The following MCF2L2 variants were observed in gnomAD, a reference collection of about 807,000 sequenced individuals.
MCF2L2 encodes MCF.2 cell line derived transforming sequence-like 2.
MCF2L2 carries 102 observed loss-of-function variants against 150.2 expected under a neutral mutation model. That is an observed-to-expected ratio of 0.68 (90% CI 0.58 to 0.80). MCF2L2 has a LOEUF of 0.80. Ranked by LOEUF, MCF2L2 falls within the 30% of genes least tolerant of loss-of-function variation. The pLI is 0.00. For synonymous variants in MCF2L2, 465 were observed against 491.3 expected (o/e 0.95, Z 0.71); for missense variants, 1,256 against 1,372.8 (o/e 0.91, Z 1.34).
At chr3:183,400,615 G>T in intron 1 of MCF2L2, 1 of 361,318 alleles carries the variant, frequency 2.8e-6, no homozygotes, top group South Asian at 2.1e-5. Flanking sequence ...AGGTCATTTC[G>T]TGGCCGAGAG....
intron 15 of MCF2L2, among the ~76,000 whole-genome samples, chr3:183,276,424 C>T (rs577763769): frequency 6.6e-6 from 1 of 152,108 alleles, no homozygotes; most frequent in Non-Finnish European, 1.5e-5. Flanking sequence ...TAAATTTCCC[C>T]GTGTTATTTT....
intron 5 of MCF2L2, 144 bp downstream of exon 5, chr3:183,338,656 C>T (rs1473591768): frequency 1.7e-5 from 12 of 706,204 alleles, no homozygotes; most frequent in Admixed American, 3.5e-5. Context: ...GCCTCTATGC[C>T]TTCACACATG....
intron 3 of MCF2L2, among the ~76,000 whole-genome samples, chr3:183,365,687 G>C (rs9843909): frequency 0.32 from 47,953 of 151,980 alleles, 11,560 homozygotes; most frequent in African/African-American, 0.67. Flanking sequence ...TACTCTATAA[G>C]CTAGATTTAG....
chr3:183,300,051 C>G lies in MCF2L2; in HGVS notation c.1259G>C (p.Trp420Ser). 6.2e-7 allele frequency: 1 copy of G among 1,613,746 alleles called. No homozygotes were observed. Among genetic ancestry groups the G allele is most frequent in the Non-Finnish European group, 8.5e-7 (1 of 1,179,900 alleles). ...DDFINGNKKK[W>S]DILGKSLEFH... ...CTCTAAGGACTTTCCTAAAATGTCCCATTTTTTCTTGTTTCCATTGATGAA... is the reference window on the plus strand; with the variant it reads ...CTCTAAGGACTTTCCTAAAATGTCCGATTTTTTCTTGTTTCCATTGATGAA... Residue 420 changes from tryptophan (W) to serine (S), a missense_variant, in exon 11 of 30, where the codon TGG becomes TCG. Trp to Ser is a radical substitution (Grantham distance 177, BLOSUM62 -3). Coordinates refer to ENST00000328913, the MANE Select transcript of MCF2L2 (RefSeq NM_015078.4).
intron 13 of MCF2L2, among the ~76,000 whole-genome samples, chr3:183,294,599 ATG>A (rs766214507): frequency 2.3e-4 from 31 of 132,272 alleles, no homozygotes; most frequent in East Asian, 9.4e-4. Flanking sequence ...ATATATGTGT[ATG>A]TGTGTGTGTG....
chr3:183,289,056 T>C, intron 14 of MCF2L2, 64 bp downstream of exon 14: 1 of 1,062,446 alleles, frequency 9.4e-7, no homozygotes, highest in Non-Finnish European at 1.4e-6. Flanking sequence ...GATTTATTGA[T>C]AATTGTGACA....
At chr3:183,238,419 C>T (rs1723840519) in intron 15 of MCF2L2, among the ~76,000 whole-genome samples, 1 of 151,756 alleles carries the variant, frequency 6.6e-6, no homozygotes, top group African/African-American at 2.4e-5. Context: ...CTCAGACTCC[C>T]GAGTAGCTGG....
intron 10 of MCF2L2, among the ~76,000 whole-genome samples, chr3:183,306,491 G>A (rs537835942): frequency 2.0e-5 from 3 of 152,238 alleles, no homozygotes; most frequent in Non-Finnish European, 4.4e-5. Flanking sequence ...ATTTCCCCCC[G>A]AGGACTCTGC....
intron 2 of MCF2L2, among the ~76,000 whole-genome samples, chr3:183,388,144 G>T (rs1220408059): frequency 3.9e-5 from 6 of 152,024 alleles, no homozygotes; most frequent in Non-Finnish European, 8.8e-5. Flanking sequence ...ATACTCAAAG[G>T]AGATAAATTT....
chr3:183,286,112 C>T (rs1356858056), intron 14 of MCF2L2, among the ~76,000 whole-genome samples: 1 of 152,178 alleles, frequency 6.6e-6, no homozygotes, highest in African/African-American at 2.4e-5. Context: ...GCTTCTCAAG[C>T]TCCCCAGAAC....
chr3:183,270,228 A>T lies in MCF2L2; in HGVS notation c.1862+6644T>A. On this transcript the variant is annotated intron_variant, in intron 15 of 29. Coordinates refer to ENST00000328913, the MANE Select transcript of MCF2L2 (RefSeq NM_015078.4). This position sits in a 1 kb window ranked among gnomAD's most constrained non-coding sequence, Gnocchi z 4.5. ...TCCACTGGAGGGAGAAGAACTACAA[A>T]GAAAACTGGCTTGGGAAGATCAAAG... The T allele has an allele frequency of 6.2e-7, 1 of 1,614,214 alleles. No individual in the cohort carries two copies. The highest frequency in any genetic ancestry group is 8.5e-7 in the Non-Finnish European group (1 of 1,180,028).
At chr3:183,423,089 A>C (rs2108635164) in intron 1 of MCF2L2, among the ~76,000 whole-genome samples, 1 of 152,360 alleles carries the variant, frequency 6.6e-6, no homozygotes, top group Middle Eastern at 3.4e-3. Flanking sequence ...CACTAGGCAC[A>C]GTGTCTACAG....
rs559800627 is a variant in MCF2L2 at position 183,314,512 on chromosome 3, T to C, written c.754-2740A>G. On this transcript the variant is annotated intron_variant, in intron 7 of 29. Transcript: ENST00000328913. ...CCTCTCCAACTCAATGGCTCTCCTA[T>C]TCTGTTTGATTGTTTGGGCGACCAG... Among the ~76,000 whole-genome samples, 5 of 152,238 alleles carry C rather than the reference T, an allele frequency of 3.3e-5. No homozygotes were observed. In the South Asian group the frequency reaches 8.3e-4, roughly 25 times the overall value.
At chr3:183,327,135 AC>A (rs1208878533) in intron 5 of MCF2L2, among the ~76,000 whole-genome samples, 1 of 151,392 alleles carries the variant, frequency 6.6e-6, no homozygotes, top group African/African-American at 2.4e-5. Flanking sequence ...GACCAGCCTG[AC>A]CAACATGGTG....
intron 14 of MCF2L2, among the ~76,000 whole-genome samples, chr3:183,288,488 T>TC (rs1352555640): frequency 2.0e-5 from 3 of 151,564 alleles, no homozygotes; most frequent in African/African-American, 7.3e-5. Context: ...GCTCTTTTTT[T>TC]TTTTTTTTTT....
chr3:183,193,271 G>A (rs751245719), intron 26 of MCF2L2, among the ~76,000 whole-genome samples, 175 bp from the exon 27 acceptor site: 2 of 152,122 alleles, frequency 1.3e-5, no homozygotes, highest in African/African-American at 4.8e-5. Flanking sequence ...TAGGTGATAC[G>A]CAGTAAGGAA....
intron 6 of MCF2L2, among the ~76,000 whole-genome samples, chr3:183,322,794 C>A (rs963043938): frequency 1.8e-4 from 28 of 152,260 alleles, no homozygotes; most frequent in African/African-American, 6.7e-4. Flanking sequence ...CACCTTCTCA[C>A]CTATAGTAGT....
Position 183,428,005 on chromosome 3 carries a change from A to G in MCF2L2, c.-28T>C, listed in dbSNP as rs781181084. ...CACTGAAAAACCATTCCGTATAAAT[A>G]AAGCCAAACAAAACTGTTTCTACCG... On this transcript the variant is annotated 5_prime_UTR_variant, in exon 1 of 30. Coordinates refer to ENST00000328913, the MANE Select transcript of MCF2L2 (RefSeq NM_015078.4). The surrounding 1 kb of genome is among the most constrained non-coding windows in gnomAD (Gnocchi z 5.1). The G allele has an allele frequency of 6.4e-6, 10 of 1,561,912 alleles. No individual in the cohort carries two copies. Among genetic ancestry groups the G allele is most frequent in the Non-Finnish European group, 8.8e-6 (10 of 1,132,592 alleles).
At chr3:183,218,814 A>G (rs1254986380) in intron 21 of MCF2L2, among the ~76,000 whole-genome samples, 3 of 151,978 alleles carry the variant, frequency 2.0e-5, no homozygotes, top group Non-Finnish European at 4.4e-5. Context: ...TGTATAATGT[A>G]GGGTTCAGAA....
Sources: allele counts gnomAD v4.1 joint callset (sites outside exome capture counted in the v4.1 genomes callset), GRCh38; gene constraint gnomAD v4.1.1; non-coding constraint Gnocchi (gnomAD v3.1); transcripts MANE v1.5; gene names NCBI Gene and HGNC (gene_info 2026-07-23, HGNC 2026-07-21).